The following ANAPC7 variants were observed in gnomAD, a reference collection of about 807,000 sequenced individuals.
ANAPC7 encodes anaphase promoting complex subunit 7.
A neutral mutation model predicts 63.3 loss-of-function variants in ANAPC7; 25 were observed. The ratio of observed to expected loss-of-function variants is 0.39; its 90% CI spans 0.29 to 0.55. The LOEUF is 0.55. Ranked by LOEUF, ANAPC7 falls within the 20% of genes least tolerant of loss-of-function variation. The pLI is 0.57. For synonymous variants in ANAPC7, 241 were observed against 251.7 expected (o/e 0.96, Z 0.40); for missense variants, 516 against 691.7 (o/e 0.75, Z 2.85).
rs1881031856 is a variant in ANAPC7, at chr12:110,374,014, G to C, written c.*130C>G. 5.7e-6 allele frequency: 6 copies of C among 1,061,438 alleles called. No individual in the cohort carries two copies. The highest frequency in any genetic ancestry group is 2.6e-5 in the Admixed American group (1 of 39,074). 65.8% of individuals were successfully genotyped at this position (1,061,438 alleles called of 1,614,324 possible). ...GTCACGACTAGGAATTGGGAGCGAGGGGGCAGAGACCCCTGCTGCAATCAC... is the reference window on the plus strand; with the variant it reads ...GTCACGACTAGGAATTGGGAGCGAGCGGGCAGAGACCCCTGCTGCAATCAC... On this transcript the variant is annotated 3_prime_UTR_variant, in exon 11 of 11. Transcript: ENST00000455511.
At chr12:110,381,981 A>G in intron 7 of ANAPC7, 33 bp from the exon 8 acceptor site, 1 of 1,493,924 alleles carries the variant, frequency 6.7e-7, no homozygotes, top group Non-Finnish European at 8.9e-7. Flanking sequence ...AAACACAAAA[A>G]CCCCAGAAGT....
chr12:110,374,399 T>C (rs1881066398), intron 10 of ANAPC7, 66 bp from the exon 11 acceptor site: 1 of 1,515,746 alleles, frequency 6.6e-7, no homozygotes, highest in Non-Finnish European at 9.0e-7. Flanking sequence ...TGATTCGTCA[T>C]CTCCCTGGCC....
At chr12:110,394,669 CAAAAAAAA>C (rs779142936) in intron 3 of ANAPC7, among the ~76,000 whole-genome samples, 4 of 42,788 alleles carry the variant, frequency 9.3e-5, no homozygotes, top group South Asian at 1.0e-3. Flanking sequence ...AATTCCACCT[CAAAAAAAA>C]AAAAAAAAAA....
intron 8 of ANAPC7, chr12:110,377,844 C>T: frequency 1.4e-6 from 2 of 1,402,358 alleles, no homozygotes; most frequent in Non-Finnish European, 1.9e-6. Context: ...TCAAAGGCAC[C>T]TTCAGTTTAG....
At chr12:110,376,297 T>A in intron 9 of ANAPC7, 81 bp from the exon 10 acceptor site, 1 of 1,510,470 alleles carries the variant, frequency 6.6e-7, no homozygotes, top group East Asian at 2.3e-5. Context: ...TTTGCAGACA[T>A]CCTCAAGAGA....
intron 2 of ANAPC7, 48 bp from the exon 3 acceptor site, chr12:110,395,268 G>A (rs1883473283): frequency 1.3e-6 from 2 of 1,561,462 alleles, no homozygotes; most frequent in African/African-American, 2.7e-5. Flanking sequence ...CCAACAATAT[G>A]ACAGTTCTTC....
chr12:110,381,612 G>A, intron 8 of ANAPC7, 140 bp downstream of exon 8: 1 of 801,642 alleles, frequency 1.2e-6, no homozygotes, highest in Non-Finnish European at 2.0e-6. Context: ...TGAGATTACA[G>A]GTGTGAGCCA....
chr12:110,399,794 C>CA (rs60764482), intron 1 of ANAPC7, among the ~76,000 whole-genome samples: 1,408 of 60,556 alleles, frequency 0.023, 8 homozygotes, highest in Non-Finnish European at 0.029. Flanking sequence ...CTGTCTCAGA[C>CA]AAAAAAAAAA....
At chr12:110,387,353 C>CAGAGAGACAGAGAGAGAGAGAGAGGCAG (rs1882659642) in intron 5 of ANAPC7, 1 of 40,586 alleles carries the variant, frequency 2.5e-5, no homozygotes, top group Non-Finnish European at 4.2e-5. Context: ...GAGAGAGAGA[C>CAGAGAGACAGAGAGAGAGAGAGAGGCAG]AGAGAGAGAG....
intron 1 of ANAPC7, among the ~76,000 whole-genome samples, chr12:110,400,369 G>C (rs1266133311): frequency 6.6e-6 from 1 of 152,168 alleles, no homozygotes; most frequent in Admixed American, 6.5e-5. Context: ...TAAAGATACT[G>C]ATCTGCATGC....
intron 6 of ANAPC7, among the ~76,000 whole-genome samples, chr12:110,385,793 T>C (rs750909603): frequency 8.5e-5 from 13 of 152,196 alleles, no homozygotes; most frequent in Admixed American, 1.3e-4. Context: ...TTTCCCACTA[T>C]TCCTGAGAAC....
chr12:110,387,389 G>GAGAGAGAGACAGAC (rs1882683942), intron 5 of ANAPC7: 3 of 44,358 alleles, frequency 6.8e-5, no homozygotes, highest in African/African-American at 3.3e-4. Context: ...GAGACAGAGA[G>GAGAGAGAGACAGAC]AGAGAGAGAG....
intron 10 of ANAPC7, 136 bp from the exon 11 acceptor site, chr12:110,374,469 A>C: frequency 4.1e-6 from 3 of 734,698 alleles, no homozygotes; most frequent in Non-Finnish European, 6.3e-6. Context: ...TCTCCAAACA[A>C]CTCAGGCTTC....
intron 6 of ANAPC7, among the ~76,000 whole-genome samples, chr12:110,384,731 T>G (rs1882302611): frequency 6.6e-6 from 1 of 151,636 alleles, no homozygotes; most frequent in Non-Finnish European, 1.5e-5. Context: ...CAGAACAACC[T>G]ACCTCACAAT....
intron 1 of ANAPC7, among the ~76,000 whole-genome samples, chr12:110,399,363 GCA>G (rs994157491): frequency 5.3e-5 from 8 of 150,878 alleles, no homozygotes; most frequent in Admixed American, 2.0e-4. Flanking sequence ...AACAAGCTAG[GCA>G]CAGTGGCTCA....
At position 110,381,780 on chromosome 12, in the gene ANAPC7, G is replaced by A. The variant is rs781367378; in HGVS notation, c.1104C>T (p.Leu368=). ...CATAACAATCTAAGCGACAAGGTGC[G>A]AGCCGTATGGCCTCCCGAAAGTGGA... ...AIIHFREAIR[L]APCRLDCYEG... The change falls in exon 8 of 11, where the codon CTC becomes CTT. Residue 368 remains leucine, a synonymous_variant. Coordinates refer to ENST00000455511, the MANE Select transcript of ANAPC7 (RefSeq NM_016238.3). The A allele has an allele frequency of 3.0e-5, 49 of 1,613,442 alleles. No individual in the cohort carries two copies. Among genetic ancestry groups the A allele is most frequent in the Admixed American group, 6.7e-5 (4 of 59,966 alleles).
intron 8 of ANAPC7, among the ~76,000 whole-genome samples, chr12:110,381,053 G>C (rs1298976435): frequency 6.8e-6 from 1 of 147,908 alleles, no homozygotes; most frequent in African/African-American, 2.5e-5. Context: ...CGAGCGGTGG[G>C]AGGACAAAAA....
chr12:110,389,653 C>T (rs1249204927), intron 3 of ANAPC7, among the ~76,000 whole-genome samples: 2 of 152,110 alleles, frequency 1.3e-5, no homozygotes, highest in African/African-American at 2.4e-5. Context: ...AAGTTCTGGC[C>T]GGGCGCAGTG....
chr12:110,381,226 G>C (rs1036842809), intron 8 of ANAPC7, among the ~76,000 whole-genome samples: 5 of 152,060 alleles, frequency 3.3e-5, no homozygotes, highest in Admixed American at 3.3e-4. Flanking sequence ...GTAACCCCTG[G>C]GGACCTCCAA....
Sources: gnomAD v4.1 joint callset for allele counts (sites outside exome capture counted in the v4.1 genomes callset) on GRCh38, gnomAD v4.1.1 for gene constraint, MANE v1.5 for transcripts, NCBI Gene and HGNC (gene_info 2026-07-23, HGNC 2026-07-21) for gene names.